FGF14: variants seen among roughly 807,000 people sequenced by gnomAD.
FGF14 encodes the protein fibroblast growth factor 14.
Under a neutral mutation model 25.5 loss-of-function variants are expected in FGF14, and 5 were observed. That is an observed-to-expected ratio of 0.20 (90% CI 0.10 to 0.41). FGF14 has a LOEUF of 0.41. FGF14 is among the 10% of genes least tolerant of loss of function. FGF14 has a pLI of 1.00. For missense variants in FGF14, 222 were observed against 320.1 expected, an observed-to-expected ratio of 0.69 and a Z score of 2.34; for synonymous variants, 138 against 118.3, an observed-to-expected ratio of 1.17 and a Z score of -1.08.
chr13:101,981,128 C>CACACAA lies in FGF14; in HGVS notation c.209-105833_209-105832insTTGTGT, dbSNP rs1260952239. The stretch of plus-strand genomic sequence containing the variant: ...ACACACACACACACACACACACACA[C>CACACAA]AATTAGCCAGGCATGGTGGCATGCA... On this transcript the variant is annotated intron_variant, in intron 1 of 4. Coordinates refer to the FGF14 transcript ENST00000376131. 3.5e-5 allele frequency among the ~76,000 whole-genome samples: 5 copies of CACACAA among 143,970 alleles called. No homozygotes were observed. The South Asian group carries it at 6.6e-4, about 19-fold the overall frequency. 94.4% of individuals were successfully genotyped at this position (143,970 alleles called of 152,430 possible). A position where few individuals can be genotyped will look rare whatever the true frequency, so the allele number is the denominator to read the frequency against.
chr13:102,325,070 A>G (rs750693552), intron 1 of FGF14, among the ~76,000 whole-genome samples: 20 of 152,114 alleles, frequency 1.3e-4, no homozygotes, highest in Admixed American at 2.6e-4. Context: ...GATCCTTGCA[A>G]TCATAGCACA....
chr13:102,311,249 C>T (rs1355617517), intron 1 of FGF14, among the ~76,000 whole-genome samples: 2 of 152,090 alleles, frequency 1.3e-5, no homozygotes, highest in Admixed American at 1.3e-4. Context: ...GGGTCATGAA[C>T]AGATCACACT....
Position 101,765,111 on chromosome 13 carries a change from A to G in FGF14, c.409-38301T>C, listed in dbSNP as rs140332385. Among the ~76,000 whole-genome samples the G allele has an allele frequency of 2.0e-3, 312 of 152,330 alleles. 2 individuals carry two copies. The highest frequency in any genetic ancestry group is 7.2e-3 in the African/African-American group (299 of 41,576). On this transcript the variant is annotated intron_variant, in intron 3 of 4. Transcript: ENST00000376143. ...CAACCTTTATATGAAAGCAATATCA[A>G]AGGATGACTTAGGTCATCATGACTA...
intron 1 of FGF14, among the ~76,000 whole-genome samples, chr13:102,395,880 C>A (rs2058569655): frequency 6.6e-6 from 1 of 152,098 alleles, no homozygotes; most frequent in South Asian, 2.1e-4. Context: ...TTAGGAAGTC[C>A]CTAAGAATCC....
At chr13:101,849,054 T>C (rs1433520253) in intron 3 of FGF14, among the ~76,000 whole-genome samples, 1 of 152,074 alleles carries the variant, frequency 6.6e-6, no homozygotes, top group Non-Finnish European at 1.5e-5. Context: ...CCTTGCTCAG[T>C]TCTTCCAGCC....
At chr13:102,139,987 C>T (rs2046572767) in intron 1 of FGF14, among the ~76,000 whole-genome samples, 1 of 150,650 alleles carries the variant, frequency 6.6e-6, no homozygotes, top group Non-Finnish European at 1.5e-5. Context: ...TCATTACGTA[C>T]AAGCCTTCGT....
At chr13:101,858,044 T>C (rs2044218167) in intron 3 of FGF14, among the ~76,000 whole-genome samples, 1 of 151,970 alleles carries the variant, frequency 6.6e-6, no homozygotes, top group Admixed American at 6.6e-5. Context: ...TTTGTGAATT[T>C]CTAAAATAAA....
At chr13:102,297,942 G>C (rs1417089578) in intron 1 of FGF14, among the ~76,000 whole-genome samples, 1 of 152,110 alleles carries the variant, frequency 6.6e-6, no homozygotes, top group Admixed American at 6.6e-5. Flanking sequence ...TGCCCTCACA[G>C]AATGTGCATG....
At chr13:102,161,630 AG>A (rs1442442659) in intron 1 of FGF14, among the ~76,000 whole-genome samples, 1 of 9,148 alleles carries the variant, frequency 1.1e-4, no homozygotes, top group African/African-American at 6.7e-4. Context: ...AAGAAGAAGA[AG>A]AAGAAGAAGA....
At chr13:102,007,418 T>C (rs893361917) in intron 1 of FGF14, among the ~76,000 whole-genome samples, 4 of 152,352 alleles carry the variant, frequency 2.6e-5, no homozygotes, top group Middle Eastern at 3.4e-3. Context: ...CATGAATGCA[T>C]TGCATTTATT....
At chr13:101,876,246 A>G (rs2045385128) in intron 1 of FGF14, among the ~76,000 whole-genome samples, 1 of 152,188 alleles carries the variant, frequency 6.6e-6, no homozygotes, top group Non-Finnish European at 1.5e-5. Context: ...GTTTTGCAAA[A>G]GCCATCCCCA....
intron 1 of FGF14, among the ~76,000 whole-genome samples, chr13:101,952,564 C>T (rs919686760): frequency 9.9e-5 from 15 of 152,102 alleles, no homozygotes; most frequent in African/African-American, 3.6e-4. Flanking sequence ...TGGCTGTTTC[C>T]ATAGGTAGTT....
At chr13:102,160,486 C>A (rs1303193826) in intron 1 of FGF14, among the ~76,000 whole-genome samples, 4 of 152,142 alleles carry the variant, frequency 2.6e-5, no homozygotes, top group South Asian at 4.1e-4. Context: ...CTGCCCCGAC[C>A]CTTCGTCTCA....
chr13:102,015,149 C>A (rs941120681), intron 1 of FGF14, among the ~76,000 whole-genome samples: 1 of 152,190 alleles, frequency 6.6e-6, no homozygotes, highest in African/African-American at 2.4e-5. Flanking sequence ...TTCATGTGAT[C>A]CACCTGCCTC....
At chr13:102,133,813 G>C (rs1003610637) in intron 1 of FGF14, among the ~76,000 whole-genome samples, 13 of 152,164 alleles carry the variant, frequency 8.5e-5, no homozygotes, top group Admixed American at 2.0e-4. Context: ...GCTGCATGTG[G>C]AGGTTAATAC....
intron 1 of FGF14, among the ~76,000 whole-genome samples, chr13:101,906,125 T>C (rs115468989): frequency 2.5e-3 from 382 of 152,308 alleles, no homozygotes; most frequent in African/African-American, 8.8e-3. Context: ...TATCCCTGTA[T>C]TCAGATCAGA....
chr13:102,128,245 T>C (rs1468269497), intron 1 of FGF14, among the ~76,000 whole-genome samples: 1 of 131,608 alleles, frequency 7.6e-6, no homozygotes, highest in African/African-American at 2.6e-5. Context: ...ATCCTTCAAA[T>C]AGTAGCCCAT....
chr13:101,758,794 A>G (rs905585257), intron 3 of FGF14, among the ~76,000 whole-genome samples: 1 of 152,180 alleles, frequency 6.6e-6, no homozygotes, highest in African/African-American at 2.4e-5. Context: ...GTGCATTTGT[A>G]TCTGGGCCCC....
At chr13:101,812,071 A>AG (rs1387344842) in intron 3 of FGF14, among the ~76,000 whole-genome samples, 1 of 152,176 alleles carries the variant, frequency 6.6e-6, no homozygotes, top group Non-Finnish European at 1.5e-5. Flanking sequence ...AACAGTTAGA[A>AG]GACTTCTGCT....
Sources: allele counts gnomAD v4.1 joint callset (sites outside exome capture counted in the v4.1 genomes callset), GRCh38; gene constraint gnomAD v4.1.1; transcripts MANE v1.5; gene names NCBI Gene and HGNC (gene_info 2026-07-23, HGNC 2026-07-21).